Variants in COL14A1 observed in about 807,000 individuals in gnomAD.
COL14A1 encodes collagen type XIV alpha 1 chain.
A neutral mutation model predicts 230.3 loss-of-function variants in COL14A1; 136 were observed. The ratio of observed to expected loss-of-function variants is 0.59; its 90% CI spans 0.51 to 0.68. The LOEUF is 0.68. COL14A1 is among the 30% of genes least tolerant of loss of function. COL14A1 has a pLI of 0.00. For missense variants in COL14A1, 1,976 were observed against 2,215.8 expected (o/e 0.89, Z 2.17); for synonymous variants, 792 against 784.1 (o/e 1.01, Z -0.17).
chr8:120,249,471 C>T (rs927945277), intron 21 of COL14A1, among the ~76,000 whole-genome samples: 16 of 152,072 alleles, frequency 1.1e-4, no homozygotes, highest in Non-Finnish European at 2.1e-4. Context: ...TGCTTTAGGC[C>T]GGAAGCATGC....
chr8:120,196,103 T>C (rs918365365), intron 5 of COL14A1, among the ~76,000 whole-genome samples: 2 of 152,210 alleles, frequency 1.3e-5, no homozygotes, highest in African/African-American at 4.8e-5. Flanking sequence ...CTCTTCTGAA[T>C]CTTTGTCCTG....
At chr8:120,224,809 C>T (rs773565361) in intron 14 of COL14A1, among the ~76,000 whole-genome samples, 10 of 152,172 alleles carry the variant, frequency 6.6e-5, no homozygotes, top group Non-Finnish European at 1.5e-4. Context: ...TAACTGGAAA[C>T]ATTATCTCTA....
chr8:120,281,565 T>A (rs200046562), intron 31 of COL14A1, among the ~76,000 whole-genome samples: 2,261 of 138,130 alleles, frequency 0.016, 66 homozygotes, highest in African/African-American at 0.056. Flanking sequence ...ACCCCGTCTT[T>A]AAAAAAAAAA....
At chr8:120,317,324 T>C (rs1418521420) in intron 40 of COL14A1, among the ~76,000 whole-genome samples, 3 of 152,326 alleles carry the variant, frequency 2.0e-5, no homozygotes, top group South Asian at 4.1e-4. Flanking sequence ...AGAATGTAGA[T>C]GCGCAAGCCT....
chr8:120,177,631 A>G (rs1816322373), intron 5 of COL14A1, among the ~76,000 whole-genome samples: 1 of 142,004 alleles, frequency 7.0e-6, no homozygotes, highest in African/African-American at 2.7e-5. Context: ...TCTGGGTGAC[A>G]GAGCGAGACT....
chr8:120,227,266 A>G lies in COL14A1; in HGVS notation c.2051A>G (p.Glu684Gly). The change falls in exon 17 of 48, where the codon GAG becomes GGG. Residue 684 changes from glutamate (E) to glycine (G), a missense_variant. Coordinates refer to ENST00000297848, the MANE Select transcript of COL14A1 (RefSeq NM_021110.4). ...EQDSHVIEGL[E>G]PGTEYEVSLL... The stretch of plus-strand genomic sequence containing the variant: ...GACTCACATGTTATTGAAGGCCTGG[A>G]GCCCGGTACGGAGTATGAAGTTTCA... 1 of 1,614,046 alleles carries G rather than the reference A, an allele frequency of 6.2e-7. No homozygotes were observed. Among genetic ancestry groups the G allele is most frequent in the Non-Finnish European group, 8.5e-7 (1 of 1,179,998 alleles).
chr8:120,158,299 G>A, intron 3 of COL14A1, 53 bp downstream of exon 3: 4 of 1,024,502 alleles, frequency 3.9e-6, no homozygotes, highest in Non-Finnish European at 4.6e-6. Flanking sequence ...TCATGCATAG[G>A]CAACTAAAAA....
At chr8:120,349,344 G>T (rs1261614531) in intron 45 of COL14A1, among the ~76,000 whole-genome samples, 1 of 150,656 alleles carries the variant, frequency 6.6e-6, no homozygotes, top group Non-Finnish European at 1.5e-5. Context: ...CTCCTCCAAG[G>T]GAACGCAGCT....
chr8:120,287,749 T>G (rs1820248949), intron 33 of COL14A1, among the ~76,000 whole-genome samples: 1 of 152,150 alleles, frequency 6.6e-6, no homozygotes, highest in African/African-American at 2.4e-5. Flanking sequence ...GCTTCTCATG[T>G]GACAAAATAC....
At chr8:120,177,740 A>G (rs1816332228) in intron 5 of COL14A1, among the ~76,000 whole-genome samples, 1 of 148,838 alleles carries the variant, frequency 6.7e-6, no homozygotes, top group Non-Finnish European at 1.5e-5. Flanking sequence ...TAGACTATAT[A>G]TAAATAACAA....
intron 1 of COL14A1, among the ~76,000 whole-genome samples, chr8:120,142,244 T>C (rs1814939323): frequency 6.6e-6 from 1 of 152,238 alleles, no homozygotes; most frequent in South Asian, 2.1e-4. Flanking sequence ...GGTGGACAGC[T>C]ATCTGTGTGA....
At chr8:120,159,201 C>T (rs1213426140) in intron 3 of COL14A1, among the ~76,000 whole-genome samples, 1 of 152,190 alleles carries the variant, frequency 6.6e-6, no homozygotes, top group African/African-American at 2.4e-5. Flanking sequence ...TACCCTTGAC[C>T]TCTTCAACCA....
At chr8:120,275,853 GA>G (rs1819822170) in intron 26 of COL14A1, among the ~76,000 whole-genome samples, 1 of 151,850 alleles carries the variant, frequency 6.6e-6, no homozygotes, top group Non-Finnish European at 1.5e-5. Context: ...TGGATGTGGT[GA>G]AAAGGAAATA....
At chr8:120,320,813 T>C (rs878959236) in intron 40 of COL14A1, among the ~76,000 whole-genome samples, 2 of 152,170 alleles carry the variant, frequency 1.3e-5, no homozygotes, top group Admixed American at 1.3e-4. Context: ...ACTGAACAGA[T>C]TATTTGATAA....
intron 5 of COL14A1, among the ~76,000 whole-genome samples, chr8:120,195,214 A>C (rs1816991023): frequency 6.6e-6 from 1 of 152,210 alleles, no homozygotes; most frequent in Non-Finnish European, 1.5e-5. Flanking sequence ...CACGTATATT[A>C]AACTGCCTAT....
intron 28 of COL14A1, among the ~76,000 whole-genome samples, 177 bp from the exon 29 acceptor site, chr8:120,279,755 CATT>C (rs1212262580): frequency 6.6e-6 from 1 of 152,122 alleles, no homozygotes; most frequent in Non-Finnish European, 1.5e-5. Flanking sequence ...ATGATGGAAT[CATT>C]ATCACATAAT....
intron 1 of COL14A1, among the ~76,000 whole-genome samples, chr8:120,135,980 T>G (rs1418266078): frequency 6.6e-6 from 1 of 152,200 alleles, no homozygotes; most frequent in African/African-American, 2.4e-5. Flanking sequence ...TCTAAATTAT[T>G]AGTTCAAGTA....
At chr8:120,290,988 G>A (rs1820358598) in intron 34 of COL14A1, among the ~76,000 whole-genome samples, 2 of 152,160 alleles carry the variant, frequency 1.3e-5, no homozygotes, top group Admixed American at 1.3e-4. Context: ...TAGATGTTTA[G>A]GAAGAGAATG....
chr8:120,193,875 G>A (rs1289467463), intron 5 of COL14A1, among the ~76,000 whole-genome samples: 1 of 152,186 alleles, frequency 6.6e-6, no homozygotes, highest in African/African-American at 2.4e-5. Flanking sequence ...ATAATCTCCT[G>A]TAGCACCGTT....
Sources: allele counts gnomAD v4.1 joint callset (sites outside exome capture counted in the v4.1 genomes callset), GRCh38; gene constraint gnomAD v4.1.1; transcripts MANE v1.5; gene names NCBI Gene and HGNC (gene_info 2026-07-23, HGNC 2026-07-21).